The following CD83 variants were observed in gnomAD, a reference collection of about 807,000 sequenced individuals.
CD83 encodes the protein CD83 molecule, also known as CD83 antigen.
CD83 carries 22 observed loss-of-function variants against 24.6 expected under a neutral mutation model. The observed-to-expected ratio is 0.90, with a 90% confidence interval of 0.64 to 1.28. The LOEUF (loss-of-function observed/expected upper bound fraction) is 1.28. Ranked by LOEUF, CD83 falls within the 50% of genes most tolerant of loss-of-function variation. CD83 has a pLI of 0.00. For synonymous variants in CD83, 101 were observed against 103.5 expected (o/e 0.98, Z 0.14); for missense variants, 253 against 252.8 (o/e 1.00, Z -0.01).
chr6:14,120,709 A>C (rs1759651385), intron 2 of CD83, among the ~76,000 whole-genome samples: 1 of 152,190 alleles, frequency 6.6e-6, no homozygotes, highest in Admixed American at 6.5e-5. Flanking sequence ...AATTCTATTC[A>C]CCACTCAATC....
chr6:14,124,368 A>G (rs1759739089), intron 2 of CD83, among the ~76,000 whole-genome samples: 1 of 152,254 alleles, frequency 6.6e-6, no homozygotes, highest in South Asian at 2.1e-4. Context: ...TACCGATTCT[A>G]GAAGAGCTGG....
chr6:14,135,382 C>T lies in CD83; in HGVS notation c.*146C>T. On this transcript the variant is annotated 3_prime_UTR_variant, in exon 5 of 5. Transcript: ENST00000379153. ...CACTGAAAACATCTGGAAGGGGATC[C>T]CACCCCATTTTCTGTGGGCAGGCCT... 2 of 867,136 alleles carry T rather than the reference C, an allele frequency of 2.3e-6. No individual in the cohort carries two copies. The highest frequency in any genetic ancestry group is 3.5e-6 in the Non-Finnish European group (2 of 576,212). The allele number at this position is 867,136 out of a possible 1,614,324, so 53.7% of individuals were successfully genotyped here. A position where few individuals can be genotyped will look rare whatever the true frequency, so the allele number is the denominator to read the frequency against.
intron 2 of CD83, among the ~76,000 whole-genome samples, chr6:14,119,127 C>T (rs1291695123): frequency 6.6e-6 from 1 of 152,224 alleles, no homozygotes; most frequent in Non-Finnish European, 1.5e-5. Context: ...CCCTGGGGGG[C>T]AGTGGCTGTA....
intron 2 of CD83, among the ~76,000 whole-genome samples, chr6:14,120,812 T>C (rs1400944876): frequency 6.6e-6 from 1 of 152,260 alleles, no homozygotes; most frequent in Non-Finnish European, 1.5e-5. Flanking sequence ...TTTTTTATCA[T>C]ATGCCTTTGA....
At position 14,129,860 on chromosome 6, in the gene CD83, T is replaced by TGTGTGTGTGTATAC. The variant is rs1276609205; in HGVS notation, c.154-1656_154-1655insGTGTGTATACGTGT. On this transcript the variant is annotated intron_variant, in intron 2 of 4. Transcript: ENST00000379153. This position sits in a 1 kb window ranked among gnomAD's most constrained non-coding sequence, Gnocchi z 4.3. ...GTGTGTGTGTGTGTGTGTGTGTGTG[T>TGTGTGTGTGTATAC]GTGTATACGAGTGCACACGTGCCCA... Among the ~76,000 whole-genome samples, 14 of 151,944 alleles carry TGTGTGTGTGTATAC rather than the reference T, an allele frequency of 9.2e-5. No individual in the cohort carries two copies. Among genetic ancestry groups the TGTGTGTGTGTATAC allele is most frequent in the African/African-American group, 2.9e-4 (12 of 41,342 alleles).
Position 14,118,057 on chromosome 6 carries a change from T to A in CD83, c.145T>A (p.Trp49Arg), listed in dbSNP as rs1473550796. Residue 49 changes from tryptophan to arginine, a missense_variant, in exon 2 of 5, where the codon TGG becomes AGG. Coordinates refer to ENST00000379153, the MANE Select transcript of CD83 (RefSeq NM_004233.4). ...WDPQVPYTVS[W>R]VKLLEGGEER... Reference sequence around the variant, plus strand: ...TCCGCAGGTTCCCTACACGGTCTCCTGGGTCAAGGTAGGTGCTGCGATACC... The same window carrying A: ...TCCGCAGGTTCCCTACACGGTCTCCAGGGTCAAGGTAGGTGCTGCGATACC... 6.2e-7 allele frequency: 1 copy of A among 1,605,704 alleles called. No individual in the cohort carries two copies. The highest frequency in any genetic ancestry group is 8.5e-7 in the Non-Finnish European group (1 of 1,176,826).
chr6:14,118,119 C>T (rs553558881), intron 2 of CD83, 54 bp downstream of exon 2: 5 of 1,301,882 alleles, frequency 3.8e-6, no homozygotes, highest in East Asian at 2.6e-5. Context: ...TTGAAGACAG[C>T]AGGAACCATC....
intron 2 of CD83, among the ~76,000 whole-genome samples, chr6:14,118,537 G>C (rs1000044404): frequency 2.0e-5 from 3 of 152,234 alleles, no homozygotes; most frequent in Admixed American, 2.0e-4. Context: ...GAAAGGAAAG[G>C]CTAAGACACA....
intron 2 of CD83, among the ~76,000 whole-genome samples, chr6:14,127,093 A>G (rs1012984644): frequency 6.6e-6 from 1 of 151,872 alleles, no homozygotes; most frequent in African/African-American, 2.4e-5. Flanking sequence ...GGTTCAAGCG[A>G]TTCTCCTGCC....
rs1759904300 is a variant in CD83, at chr6:14,129,803, G to A, written c.154-1717G>A. Among the ~76,000 whole-genome samples, 1 of 151,550 alleles carries A rather than the reference G, an allele frequency of 6.6e-6. No individual in the cohort carries two copies. The highest frequency in any genetic ancestry group is 1.5e-5 in the Non-Finnish European group (1 of 67,990). ...GCTTTCCGGTGACCTTGTGGTATATGCTCTGAATTAATAAATGAAGCAGAA... is the reference window on the plus strand; with the variant it reads ...GCTTTCCGGTGACCTTGTGGTATATACTCTGAATTAATAAATGAAGCAGAA... On this transcript the variant is annotated intron_variant, in intron 2 of 4. Coordinates refer to ENST00000379153, the MANE Select transcript of CD83 (RefSeq NM_004233.4). The surrounding 1 kb of genome is among the most constrained non-coding windows in gnomAD (Gnocchi z 4.3).
At chr6:14,120,793 A>G (rs1759652861) in intron 2 of CD83, among the ~76,000 whole-genome samples, 1 of 152,228 alleles carries the variant, frequency 6.6e-6, no homozygotes, top group Non-Finnish European at 1.5e-5. Context: ...GACCCATGTA[A>G]ACCATGTGTT....
chr6:14,122,590 A>C (rs891309403), intron 2 of CD83, among the ~76,000 whole-genome samples: 8 of 152,216 alleles, frequency 5.3e-5, no homozygotes, highest in African/African-American at 1.9e-4. Context: ...AAACATTTCT[A>C]CATTAAATGT....
rs1200054079 is a variant in CD83 at position 14,124,966 on chromosome 6, C to T, written c.154-6554C>T. ...TGATGTCCTGATAGGAGAAAACACA[C>T]ACTGACACAGACAACAGGGAGAAAG... On this transcript the variant is annotated intron_variant, in intron 2 of 4. Transcript: ENST00000379153. 2.6e-5 allele frequency among the ~76,000 whole-genome samples: 4 copies of T among 152,172 alleles called. No individual in the cohort carries two copies. In the East Asian group the frequency reaches 7.7e-4, roughly 29 times the overall value.
Position 14,131,613 on chromosome 6 carries a change from G to C in CD83, c.247G>C (p.Asp83His). ...TCAGAAGGGGCAAAATGGTTCTTTC[G>C]ACGCCCCCAATGAAAGGCCCTATTC... Reference protein sequence around the residue: ...YHQKGQNGSFDAPNERPYSLK... With the variant: ...YHQKGQNGSFHAPNERPYSLK... Residue 83 changes from aspartate (D) to histidine (H), a missense_variant, in exon 3 of 5, where the codon GAC becomes CAC. Asp to His is a moderately conservative substitution (Grantham distance 81). Transcript: ENST00000379153. The C allele has an allele frequency of 6.2e-7, 1 of 1,614,022 alleles. No individual in the cohort carries two copies. The highest frequency in any genetic ancestry group is 8.5e-7 in the Non-Finnish European group (1 of 1,180,004).
intron 2 of CD83, among the ~76,000 whole-genome samples, chr6:14,126,715 A>G (rs1759824380): frequency 6.6e-6 from 1 of 152,240 alleles, no homozygotes; most frequent in Non-Finnish European, 1.5e-5. Flanking sequence ...ACTATTTTGC[A>G]CATTATAAAG....
intron 2 of CD83, among the ~76,000 whole-genome samples, chr6:14,127,718 C>G (rs1383187036): frequency 6.6e-6 from 1 of 152,138 alleles, no homozygotes; most frequent in African/African-American, 2.4e-5. Context: ...ATAATTTAGT[C>G]AAATTGGAGG....
chr6:14,124,372 G>C (rs1210286571), intron 2 of CD83, among the ~76,000 whole-genome samples: 2 of 152,218 alleles, frequency 1.3e-5, no homozygotes, highest in Non-Finnish European at 2.9e-5. Flanking sequence ...GATTCTAGAA[G>C]AGCTGGTAGC....
At chr6:14,126,666 T>C (rs984715763) in intron 2 of CD83, among the ~76,000 whole-genome samples, 48 of 152,224 alleles carry the variant, frequency 3.2e-4, no homozygotes, top group Admixed American at 2.6e-3. Flanking sequence ...TTAATGCTCA[T>C]ACATTCTACC....
At position 14,131,664 on chromosome 6, in the gene CD83, T is replaced by G. The variant is rs1458219858; in HGVS notation, c.298T>G (p.Cys100Gly). ...CCTGAAGATCCGAAACACTACCAGC[T>G]GCAACTCGGGGACATACAGGTGCAC... ...YSLKIRNTTS[C>G]NSGTYRCTLQ... The change falls in exon 3 of 5, where the codon TGC becomes GGC. Residue 100 changes from cysteine (C) to glycine (G), a missense_variant. By Grantham distance (159) the Cys-to-Gly change is radical (BLOSUM62 -3). Coordinates refer to ENST00000379153, the MANE Select transcript of CD83 (RefSeq NM_004233.4). 1.2e-6 allele frequency: 2 copies of G among 1,614,098 alleles called. No individual in the cohort carries two copies. The highest frequency in any genetic ancestry group is 1.7e-6 in the Non-Finnish European group (2 of 1,180,018).
Sources: allele counts gnomAD v4.1 joint callset (sites outside exome capture counted in the v4.1 genomes callset), GRCh38; gene constraint gnomAD v4.1.1; non-coding constraint Gnocchi (gnomAD v3.1); transcripts MANE v1.5; gene names NCBI Gene and HGNC (gene_info 2026-07-23, HGNC 2026-07-21).